The following PDPR variants were observed in gnomAD, a reference collection of about 807,000 sequenced individuals.
PDPR encodes pyruvate dehydrogenase phosphatase regulatory subunit, also known as pyruvate dehydrogenase phosphatase regulatory subunit, mitochondrial.
PDPR carries 50 observed loss-of-function variants against 102.2 expected under a neutral mutation model. The ratio of observed to expected loss-of-function variants is 0.49; its 90% CI spans 0.39 to 0.62. The LOEUF is 0.62. Ranked by LOEUF, PDPR falls within the 20% of genes least tolerant of loss-of-function variation. The probability of loss-of-function intolerance (pLI) is 0.00; values close to 1 mark genes in which losing one functional copy is unlikely to be tolerated. For synonymous variants in PDPR, 259 were observed against 406.0 expected, an observed-to-expected ratio of 0.64 and a Z score of 4.35; for missense variants, 625 against 1,098.2, an observed-to-expected ratio of 0.57 and a Z score of 6.09.
At chr16:70,128,596 C>G (rs1438988070) in intron 4 of PDPR, among the ~76,000 whole-genome samples, 188 bp from the exon 5 acceptor site, 1 of 152,272 alleles carries the variant, frequency 6.6e-6, no homozygotes, top group Non-Finnish European at 1.5e-5. Flanking sequence ...GGGCATGGAG[C>G]CTTAGTGCAT....
At chr16:70,114,782 C>G (rs1036592300) in intron 1 of PDPR, 39 bp from the exon 2 acceptor site, 1 of 152,314 alleles carries the variant, frequency 6.6e-6, no homozygotes, top group Non-Finnish European at 1.5e-5. Context: ...GGCGCAGAGC[C>G]AACTCCAGCT....
At position 70,157,794 on chromosome 16, in the gene PDPR, T is replaced by G. The variant is rs1262922646; in HGVS notation, c.*915T>G. ...CTGTCCAAAGTTCAGCCGTTCCTCC[T>G]TCCCCTTCTCCCAGTGCGTTTGACT... On this transcript the variant is annotated 3_prime_UTR_variant, in exon 19 of 19. Coordinates refer to ENST00000288050, the MANE Select transcript of PDPR (RefSeq NM_017990.5). The G allele has an allele frequency of 6.4e-6, 1 of 155,288 alleles. No homozygotes were observed. The highest frequency in any genetic ancestry group is 2.4e-5 in the African/African-American group (1 of 41,516). The allele number at this position is 155,288 out of a possible 1,614,324, so 9.6% of individuals were successfully genotyped here. A position where few individuals can be genotyped will look rare whatever the true frequency, so the allele number is the denominator to read the frequency against.
At position 70,160,529 on chromosome 16, in the gene PDPR, C is replaced by T. The variant is rs1377112284; in HGVS notation, c.*3650C>T. ...GCCAGAGACACAGAGACCACATAGC[C>T]CAGTGATTAAACCCCGGTTTCACTC... On this transcript the variant is annotated 3_prime_UTR_variant, in exon 19 of 19. Coordinates refer to ENST00000288050, the MANE Select transcript of PDPR (RefSeq NM_017990.5). The T allele has an allele frequency of 1.3e-5, 2 of 152,618 alleles. No individual in the cohort carries two copies. The highest frequency in any genetic ancestry group is 2.9e-5 in the Non-Finnish European group (2 of 68,314). The allele number at this position is 152,618 out of a possible 1,614,324, so 9.5% of individuals were successfully genotyped here.
At chr16:70,152,438 G>A (rs1322954871) in intron 17 of PDPR, among the ~76,000 whole-genome samples, 2 of 152,288 alleles carry the variant, frequency 1.3e-5, no homozygotes, top group Non-Finnish European at 2.9e-5. Context: ...AGATTCACTT[G>A]AACCCGGGAG....
intron 3 of PDPR, among the ~76,000 whole-genome samples, chr16:70,123,245 T>G (rs1963536340): frequency 1.3e-5 from 2 of 152,328 alleles, no homozygotes; most frequent in Admixed American, 1.3e-4. Context: ...TTGTTTTTGT[T>G]AATGTTTTTG....
intron 10 of PDPR, among the ~76,000 whole-genome samples, chr16:70,138,186 C>T (rs111469685): frequency 0.13 from 18,661 of 138,846 alleles, 1 homozygote; most frequent in African/African-American, 0.14. Flanking sequence ...GGATTACAGG[C>T]ATGTGCCACC....
At chr16:70,139,475 C>G (rs8063897) in intron 11 of PDPR, among the ~76,000 whole-genome samples, 1 of 152,204 alleles carries the variant, frequency 6.6e-6, no homozygotes, top group African/African-American at 2.4e-5. Flanking sequence ...GAGAATTTGC[C>G]GAGTTATTCT....
intron 1 of PDPR, 99 bp downstream of exon 1, chr16:70,114,539 C>CG (rs1962431815): frequency 2.0e-5 from 3 of 152,204 alleles, no homozygotes; most frequent in Admixed American, 2.0e-4. Flanking sequence ...TGGTTTCGCC[C>CG]GGGGGTGGTC....
chr16:70,134,797 A>AAAT (rs1555524704), intron 9 of PDPR, among the ~76,000 whole-genome samples: 30 of 148,918 alleles, frequency 2.0e-4, no homozygotes, highest in African/African-American at 2.2e-4. Flanking sequence ...AAAAAAAAAA[A>AAAT]AATAATAATA....
chr16:70,115,874 C>T (rs186620113), intron 2 of PDPR, among the ~76,000 whole-genome samples: 352 of 152,250 alleles, frequency 2.3e-3, no homozygotes, highest in Middle Eastern at 0.01. Flanking sequence ...AGTTTCTTCT[C>T]CCCTGGCTTT....
intron 3 of PDPR, among the ~76,000 whole-genome samples, chr16:70,124,866 T>C (rs2152069119): frequency 6.6e-6 from 1 of 152,378 alleles, no homozygotes. Flanking sequence ...CAGATGTTAG[T>C]TTATTTACTG....
intron 9 of PDPR, among the ~76,000 whole-genome samples, chr16:70,133,601 A>G (rs541069839): frequency 4.1e-4 from 62 of 151,860 alleles, no homozygotes; most frequent in Non-Finnish European, 2.2e-4. Flanking sequence ...TATTTTTAGT[A>G]GAGACAGGAT....
At position 70,153,556 on chromosome 16, in the gene PDPR, C is replaced by T. The variant is rs765130135; in HGVS notation, c.2218C>T (p.Arg740Trp). ...GCCCCTGGAATGTGGACGAGAGTCT[C>T]GGGTGAAATTAGAGAAGGTACTGTG... The part of the protein sequence containing the change: ...TTPLECGRES[R>W]VKLEKGMDFI... The change falls in exon 18 of 19, where the codon CGG (arginine) becomes TGG (tryptophan). Residue 740 changes from arginine to tryptophan, a missense_variant. Transcript: ENST00000288050. The T allele has an allele frequency of 4.5e-5, 73 of 1,606,000 alleles. No homozygotes were observed. Among genetic ancestry groups the T allele is most frequent in the Middle Eastern group, 1.6e-4 (1 of 6,066 alleles).
At chr16:70,163,092 G>A (rs985997858), downstream of PDPR, among the ~76,000 whole-genome samples, 1 of 152,264 alleles carries the variant, frequency 6.6e-6, no homozygotes, top group Non-Finnish European at 1.5e-5. Context: ...GGGATTACAG[G>A]CACGCGCCAC....
At position 70,160,726 on chromosome 16, in the gene PDPR, GTA is replaced by G. The variant is rs1433720411; in HGVS notation, c.*3851_*3852del. The stretch of plus-strand genomic sequence containing the variant: ...GAAAAGTAAACCTCCAGCTTCCACA[GTA>G]TATTACCTGCCGTTGCATGCATTTG... On this transcript the variant is annotated 3_prime_UTR_variant, in exon 19 of 19. Transcript: ENST00000288050. 1 of 152,446 alleles carries G rather than the reference GTA, an allele frequency of 6.6e-6. No homozygotes were observed. The highest frequency in any genetic ancestry group is 6.5e-5 in the Admixed American group (1 of 15,280). The allele number at this position is 152,446 out of a possible 1,614,324, so 9.4% of individuals were successfully genotyped here. A position where few individuals can be genotyped will look rare whatever the true frequency, so the allele number is the denominator to read the frequency against.
At chr16:70,143,376 G>C in intron 13 of PDPR, 134 bp from the exon 14 acceptor site, 1 of 1,070,544 alleles carries the variant, frequency 9.3e-7, no homozygotes, top group Non-Finnish European at 1.3e-6. Context: ...TTGCAGTGGA[G>C]TAGGTCTGCA....
Position 70,156,568 on chromosome 16 carries a change from T to G in PDPR, c.2329T>G (p.Ser777Ala). The G allele has an allele frequency of 6.2e-7, 1 of 1,614,078 alleles. No individual in the cohort carries two copies. The highest frequency in any genetic ancestry group is 1.1e-5 in the South Asian group (1 of 91,088). The change falls in exon 19 of 19, where the codon TCA becomes GCA. Residue 777 changes from serine to alanine, a missense_variant. By Grantham distance (99) the Ser-to-Ala change is moderately conservative. Transcript: ENST00000288050. ...LTMFILDDHD[S>A]DLDLWPWWGE... ...CATGTTCATCCTGGACGACCATGAT[T>G]CAGACCTAGACCTTTGGCCTTGGTG...
Position 70,157,930 on chromosome 16 carries a change from A to G in PDPR, c.*1051A>G, listed in dbSNP as rs1361099014. The G allele has an allele frequency of 1.3e-5, 2 of 154,600 alleles. No individual in the cohort carries two copies. The highest frequency in any genetic ancestry group is 4.8e-5 in the African/African-American group (2 of 41,498). The allele number at this position is 154,600 out of a possible 1,614,324, so 9.6% of individuals were successfully genotyped here. On this transcript the variant is annotated 3_prime_UTR_variant, in exon 19 of 19. Transcript: ENST00000288050. Reference sequence around the variant, plus strand: ...CAGGTGTGTTGTCCTGGGCCTTTCAACCTTGCGGGCTGTGCTGAGTTCCAG... The same window carrying G: ...CAGGTGTGTTGTCCTGGGCCTTTCAGCCTTGCGGGCTGTGCTGAGTTCCAG...
chr16:70,155,281 A>T (rs1474071294), intron 18 of PDPR, among the ~76,000 whole-genome samples: 3 of 151,202 alleles, frequency 2.0e-5, no homozygotes, highest in African/African-American at 4.8e-5. Context: ...GGTAGTAACT[A>T]TTTTTTTTTT....
Sources: allele counts gnomAD v4.1 joint callset (sites outside exome capture counted in the v4.1 genomes callset), GRCh38; gene constraint gnomAD v4.1.1; transcripts MANE v1.5; gene names NCBI Gene and HGNC (gene_info 2026-07-23, HGNC 2026-07-21).